GSTA3: variants seen among roughly 807,000 people sequenced by gnomAD.
GSTA3 encodes the protein glutathione S-transferase A3.
Under a neutral mutation model 23.1 loss-of-function variants are expected in GSTA3, and 16 were observed. That is an observed-to-expected ratio of 0.69 (90% CI 0.47 to 1.05). GSTA3 has a LOEUF of 1.05. Ranked by LOEUF, GSTA3 falls within the 50% of genes least tolerant of loss-of-function variation. The pLI is 0.00. For missense variants in GSTA3, 319 were observed against 263.6 expected (o/e 1.21, Z -1.46); for synonymous variants, 122 against 91.0 (o/e 1.34, Z -1.94).
chr6:52,908,336 A>G (rs1023391525), intron 1 of GSTA3, among the ~76,000 whole-genome samples: 1 of 151,944 alleles, frequency 6.6e-6, no homozygotes, highest in Non-Finnish European at 1.5e-5. Flanking sequence ...GGCCTGGGCA[A>G]TTAAATAAAG....
chr6:52,898,771 G>C (rs552358045), intron 5 of GSTA3, among the ~76,000 whole-genome samples: 18 of 152,210 alleles, frequency 1.2e-4, no homozygotes, highest in African/African-American at 4.1e-4. Flanking sequence ...AGAAGGGTGC[G>C]CTCTCACAGA....
At chr6:52,899,055 A>G (rs527320594) in intron 5 of GSTA3, among the ~76,000 whole-genome samples, 1 of 152,204 alleles carries the variant, frequency 6.6e-6, no homozygotes, top group East Asian at 1.9e-4. Context: ...TAGAGCAGGT[A>G]ATCAGAATGA....
Position 52,906,252 on chromosome 6 carries a change from C to A in GSTA3, c.-21-397G>T, listed in dbSNP as rs539306026. ...CTAGAAGGGATCTAGCTAGCCCTTC[C>A]TCCAGGTTTGTAATGAATATGTTGA... On this transcript the variant is annotated intron_variant, in intron 1 of 6. Transcript: ENST00000211122. 3.3e-5 allele frequency among the ~76,000 whole-genome samples: 5 copies of A among 152,248 alleles called. No individual in the cohort carries two copies. In the South Asian group the frequency reaches 1.0e-3, roughly 32 times the overall value.
chr6:52,909,221 G>A (rs1765989817), intron 1 of GSTA3, among the ~76,000 whole-genome samples: 1 of 152,116 alleles, frequency 6.6e-6, no homozygotes, highest in African/African-American at 2.4e-5. Context: ...TGATCAAGTG[G>A]TGCTCCCAAA....
intron 4 of GSTA3, among the ~76,000 whole-genome samples, chr6:52,901,666 T>C (rs1765689747): frequency 6.6e-6 from 1 of 152,232 alleles, no homozygotes; most frequent in Non-Finnish European, 1.5e-5. Context: ...TGCTGGGTCA[T>C]TGGTAACTCT....
intron 5 of GSTA3, among the ~76,000 whole-genome samples, chr6:52,898,628 T>C (rs1765548639): frequency 6.6e-6 from 1 of 152,216 alleles, no homozygotes; most frequent in South Asian, 2.1e-4. Flanking sequence ...GCTTTCCTCA[T>C]TTCCTGTTCT....
intron 2 of GSTA3, among the ~76,000 whole-genome samples, chr6:52,904,196 C>T (rs961334375): frequency 1.3e-5 from 2 of 151,942 alleles, no homozygotes; most frequent in African/African-American, 4.8e-5. Flanking sequence ...CGCTGTGTTG[C>T]CTAGACTCAT....
intron 2 of GSTA3, among the ~76,000 whole-genome samples, chr6:52,904,977 A>T (rs1765842718): frequency 6.6e-6 from 1 of 152,216 alleles, no homozygotes; most frequent in Non-Finnish European, 1.5e-5. Context: ...TCAGGACAGA[A>T]CCTGGCACTT....
chr6:52,909,319 A>G lies in GSTA3; in HGVS notation c.-22+322T>C, dbSNP rs1765992599. ...ATGAATCACACGAATACATGTTTTT[A>G]ATAAACAGCTTTTCCATAAGCAACC... On this transcript the variant is annotated intron_variant, in intron 1 of 6. Coordinates refer to ENST00000211122, the MANE Select transcript of GSTA3 (RefSeq NM_000847.5). Among the ~76,000 whole-genome samples the G allele has an allele frequency of 4.6e-5, 7 of 152,336 alleles. No homozygotes were observed. In the South Asian group the frequency reaches 1.2e-3, roughly 27 times the overall value.
At position 52,903,701 on chromosome 6, in the gene GSTA3, T is replaced by A; in HGVS notation, c.114A>T (p.Ala38=). ...VEFEEKFIGS[A]EDLGKLRNDG... ...CATTTCTTAACTTTCCCAAATCTTC[T>A]GCAGATCCTATAAATTTCTCTTCAA... Residue 38 remains alanine (A), a synonymous_variant, in exon 3 of 7, where the codon GCA becomes GCT. Transcript: ENST00000211122. The A allele has an allele frequency of 6.3e-7, 1 of 1,593,908 alleles. No homozygotes were observed. The highest frequency in any genetic ancestry group is 1.7e-5 in the Admixed American group (1 of 59,964).
At chr6:52,902,952 A>T (rs192416334) in intron 3 of GSTA3, among the ~76,000 whole-genome samples, 1 of 152,206 alleles carries the variant, frequency 6.6e-6, no homozygotes, top group East Asian at 1.9e-4. Context: ...TTATCACATG[A>T]CCCATGAAAG....
At chr6:52,900,129 G>A in intron 4 of GSTA3, 54 bp from the exon 5 acceptor site, 1 of 1,517,860 alleles carries the variant, frequency 6.6e-7, no homozygotes. Context: ...AGATTTTGTA[G>A]GTTTATAAAA....
At chr6:52,898,382 CAGG>C (rs899867804) in intron 5 of GSTA3, among the ~76,000 whole-genome samples, 1 of 152,156 alleles carries the variant, frequency 6.6e-6, no homozygotes, top group African/African-American at 2.4e-5. Context: ...ACTCTTCCTC[CAGG>C]AGTAGACTAT....
rs555518040 is a variant in GSTA3 at position 52,900,137 on chromosome 6, A to G, written c.273-62T>C. The G allele has an allele frequency of 9.0e-6, 13 of 1,440,504 alleles. No individual in the cohort carries two copies. The Admixed American group carries it at 1.1e-4, about 12-fold the overall frequency. The allele number at this position is 1,440,504 out of a possible 1,614,324, so 89.2% of individuals were successfully genotyped here. The stretch of plus-strand genomic sequence containing the variant: ...TTGCCTTAGATTTTGTAGGTTTATA[A>G]AAACCTAAGAGAATAGAGGGTCAGA... On this transcript the variant is annotated intron_variant, in intron 4 of 6. Coordinates refer to ENST00000211122, the MANE Select transcript of GSTA3 (RefSeq NM_000847.5).
intron 6 of GSTA3, 124 bp downstream of exon 6, chr6:52,897,701 A>T: frequency 1.9e-6 from 2 of 1,041,432 alleles, no homozygotes; most frequent in Non-Finnish European, 1.5e-6. Flanking sequence ...CATTTTGGAG[A>T]CCTGGGGGTA....
In GSTA3 at chr6:52,903,675, C is replaced by T; in HGVS notation, c.139+1G>A. 1 of 1,533,246 alleles carries T rather than the reference C, an allele frequency of 6.5e-7. No individual in the cohort carries two copies. Among genetic ancestry groups the T allele is most frequent in the Non-Finnish European group, 9.0e-7 (1 of 1,107,070 alleles). 95.0% of individuals were successfully genotyped at this position (1,533,246 alleles called of 1,614,324 possible). On this transcript the variant is annotated splice_donor_variant, in intron 3 of 6. Transcript: ENST00000211122. LOFTEE classifies it high-confidence loss of function. ...AGAGGCACTTAGAGACTTGATCTTA[C>T]CATTTCTTAACTTTCCCAAATCTTC... is the stretch of plus-strand genomic sequence containing the variant.
At chr6:52,897,079 A>G (rs1765473312) in intron 6 of GSTA3, 151 bp from the exon 7 acceptor site, 2 of 1,138,834 alleles carry the variant, frequency 1.8e-6, no homozygotes, top group Admixed American at 5.2e-5. Flanking sequence ...CCAGTGATAA[A>G]TGAAGATAAG....
rs1481531956 is a variant in GSTA3 at position 52,905,821 on chromosome 6, G to A, written c.14C>T (p.Pro5Leu). Residue 5 changes from proline to leucine, a missense_variant, in exon 2 of 7, where the codon CCC becomes CTC. Pro to Leu is a moderately conservative substitution (Grantham distance 98, BLOSUM62 -3). Transcript: ENST00000211122. MAGK[P>L]KLHYFNGRGR... ...CCGTCCATTGAAGTAGTGAAGCTTG[G>A]GCTTCCCTGCCATGGTAACAGTCTC... 6.2e-7 allele frequency: 1 copy of A among 1,600,062 alleles called. No homozygotes were observed. Among genetic ancestry groups the A allele is most frequent in the Non-Finnish European group, 8.5e-7 (1 of 1,169,912 alleles).
intron 5 of GSTA3, among the ~76,000 whole-genome samples, chr6:52,899,215 C>T (rs192669288): frequency 6.6e-6 from 1 of 151,964 alleles, no homozygotes; most frequent in Non-Finnish European, 1.5e-5. Context: ...GATTGCTTTA[C>T]GAGGTAGTTA....
Sources: gnomAD v4.1 joint callset for allele counts (sites outside exome capture counted in the v4.1 genomes callset) on GRCh38, gnomAD v4.1.1 for gene constraint, MANE v1.5 for transcripts, NCBI Gene and HGNC (gene_info 2026-07-23, HGNC 2026-07-21) for gene names.